Variants in DZIP1 observed in about 807,000 individuals in gnomAD.
The protein encoded by DZIP1 is DAZ interacting zinc finger protein 1.
A neutral mutation model predicts 107.6 loss-of-function variants in DZIP1; 97 were observed. The ratio of observed to expected loss-of-function variants is 0.90; its 90% confidence interval spans 0.77 to 1.07. DZIP1 has a LOEUF of 1.07. DZIP1 is among the 50% of genes least tolerant of loss of function. The pLI is 0.00. For missense variants in DZIP1, 1,035 were observed against 1,063.6 expected, an observed-to-expected ratio of 0.97 and a Z score of 0.37; for synonymous variants, 390 against 386.4, an observed-to-expected ratio of 1.01 and a Z score of -0.11.
rs145101854 is a variant in DZIP1, at chr13:95,636,603, G to C, written c.598-3282C>G. ...GAAAGCAAGGAATAAAAGAGACACT[G>C]TTGAAAACTGAATTGCTCACTAAAG... On this transcript the variant is annotated intron_variant, in intron 5 of 22. Transcript: ENST00000376829. 3.1e-3 allele frequency among the ~76,000 whole-genome samples: 462 copies of C among 151,318 alleles called. 2 individuals are homozygous for C. Among genetic ancestry groups the C allele is most frequent in the Middle Eastern group, 0.01 (3 of 292 alleles).
intron 7 of DZIP1, among the ~76,000 whole-genome samples, chr13:95,628,348 A>AT (rs201877397): frequency 3.3e-5 from 5 of 151,860 alleles, no homozygotes; most frequent in East Asian, 1.9e-4. Flanking sequence ...TGGTGTACAT[A>AT]TTTTTTTTTA....
At chr13:95,622,861 G>A (rs913773131) in intron 8 of DZIP1, among the ~76,000 whole-genome samples, 1 of 151,416 alleles carries the variant, frequency 6.6e-6, no homozygotes, top group African/African-American at 2.4e-5. Flanking sequence ...TTCCACCTCA[G>A]CCTCCTAGGT....
In DZIP1 at chr13:95,633,280, T is replaced by A. The variant is rs774265039; in HGVS notation, c.639A>T (p.Leu213=). Residue 213 remains leucine (L), a synonymous_variant, in exon 6 of 23, where the codon CTA becomes CTT. Transcript: ENST00000376829. ...TGTGGCGGCGTTGAATGTGACTTTGTAGAAAAGCTTGGTTCATAAAGGCCT... is the reference window on the plus strand; with the variant it reads ...TGTGGCGGCGTTGAATGTGACTTTGAAGAAAAGCTTGGTTCATAAAGGCCT... ...CDKAFMNQAF[L]QSHIQRRHTE... is the part of the protein sequence containing the mutation. The A allele has an allele frequency of 1.2e-6, 2 of 1,614,176 alleles. No individual in the cohort carries two copies. The highest frequency in any genetic ancestry group is 4.5e-5 in the East Asian group (2 of 44,882).
At chr13:95,617,415 A>G (rs1428363475) in intron 10 of DZIP1, among the ~76,000 whole-genome samples, 1 of 152,088 alleles carries the variant, frequency 6.6e-6, no homozygotes, top group Non-Finnish European at 1.5e-5. Context: ...CTCTCAATGC[A>G]GCCTGTGAGT....
chr13:95,622,582 C>T, intron 8 of DZIP1, 102 bp from the exon 9 acceptor site: 2 of 1,344,650 alleles, frequency 1.5e-6, no homozygotes, highest in South Asian at 1.2e-5. Flanking sequence ...AATCTGACTG[C>T]CCTCTTGGAC....
Position 95,624,679 on chromosome 13 carries a change from T to C in DZIP1, c.972+89A>G, listed in dbSNP as rs1876322480. ...ATGTCTGCACGAGGGTAACATAAAG[T>C]AACTGCTGGATCCCCTGGCCTTAAT... is the stretch of plus-strand genomic sequence containing the variant. On this transcript the variant is annotated intron_variant, in intron 8 of 22. Coordinates refer to ENST00000376829, the MANE Select transcript of DZIP1 (RefSeq NM_198968.4). 17 of 1,172,268 alleles carry C rather than the reference T, an allele frequency of 1.5e-5. No individual in the cohort carries two copies. In the South Asian group the frequency reaches 2.2e-4, roughly 15 times the overall value. 72.6% of individuals were successfully genotyped at this position (1,172,268 alleles called of 1,614,324 possible). A position where few individuals can be genotyped will look rare whatever the true frequency, so the allele number is the denominator to read the frequency against.
At chr13:95,591,861 T>C (rs1050036900) in intron 16 of DZIP1, among the ~76,000 whole-genome samples, 13 of 152,180 alleles carry the variant, frequency 8.5e-5, no homozygotes, top group African/African-American at 2.2e-4. Context: ...CTAAAGTTCA[T>C]TGGAAAACAA....
Position 95,641,917 on chromosome 13 carries a change from G to A in DZIP1, c.37-62C>T. The A allele has an allele frequency of 6.8e-7, 1 of 1,467,812 alleles. No individual in the cohort carries two copies. Among genetic ancestry groups the A allele is most frequent in the Non-Finnish European group, 9.0e-7 (1 of 1,116,848 alleles). 90.9% of individuals were successfully genotyped at this position (1,467,812 alleles called of 1,614,324 possible). ...GGATGGGGGGCGGGCAGGCTGGGGA[G>A]CTGGGGGTCCGGGGAAGCCCCGGTT... On this transcript the variant is annotated intron_variant, in intron 4 of 22. Transcript: ENST00000376829. The surrounding 1 kb of genome is among the most constrained non-coding windows in gnomAD (Gnocchi z 4.3).
chr13:95,625,732 G>A (rs1876457412), intron 7 of DZIP1, among the ~76,000 whole-genome samples: 1 of 152,174 alleles, frequency 6.6e-6, no homozygotes. Flanking sequence ...AAGATACTGT[G>A]AGGTTAATGA....
Position 95,641,476 on chromosome 13 carries a change from G to C in DZIP1, c.416C>G (p.Thr139Ser), listed in dbSNP as rs755478806. 6.2e-7 allele frequency: 1 copy of C among 1,614,138 alleles called. No homozygotes were observed. Reference protein sequence around the residue: ...EYLLHSQEFLTSQLHTLEERL... With the variant: ...EYLLHSQEFLSSQLHTLEERL... ...CTCCTCCAGGGTGTGCAGCTGCGAG[G>C]TGAGGAACTCTTGTGAGTGCAGCAA... Residue 139 changes from threonine to serine, a missense_variant, in exon 5 of 23, where the codon ACC becomes AGC. Coordinates refer to ENST00000376829, the MANE Select transcript of DZIP1 (RefSeq NM_198968.4). The surrounding 1 kb of genome is among the most constrained non-coding windows in gnomAD (Gnocchi z 4.3).
chr13:95,642,086 A>G lies in DZIP1; in HGVS notation c.-57T>C. ...GGCCGCCTCCCGGGCCGCCGCCGCC[A>G]CAGCCCTCAGGAGCGGGAGAAGGCC... is the stretch of plus-strand genomic sequence containing the variant. On this transcript the variant is annotated 5_prime_UTR_variant, in exon 4 of 23. Transcript: ENST00000376829. 2 of 1,481,284 alleles carry G rather than the reference A, an allele frequency of 1.4e-6. No individual in the cohort carries two copies. Among genetic ancestry groups the G allele is most frequent in the South Asian group, 1.4e-5 (1 of 72,214 alleles). 91.8% of individuals were successfully genotyped at this position (1,481,284 alleles called of 1,614,324 possible).
chr13:95,633,024 G>T (rs1033140295), intron 6 of DZIP1, among the ~76,000 whole-genome samples: 1 of 152,174 alleles, frequency 6.6e-6, no homozygotes, highest in Admixed American at 6.5e-5. Flanking sequence ...ACTCGAGAGA[G>T]AGTGGGGCTT....
intron 15 of DZIP1, among the ~76,000 whole-genome samples, chr13:95,594,351 T>C (rs1486091279): frequency 6.6e-6 from 1 of 152,170 alleles, no homozygotes; most frequent in Non-Finnish European, 1.5e-5. Context: ...TATATATGTA[T>C]CTATAGAAGC....
intron 6 of DZIP1, 152 bp from the exon 7 acceptor site, chr13:95,630,265 C>T (rs1877038029): frequency 2.1e-6 from 2 of 959,194 alleles, no homozygotes; most frequent in Non-Finnish European, 3.0e-6. Context: ...AATTTTTGCT[C>T]TTTAGTTTAT....
chr13:95,602,488 G>T (rs758881338), intron 14 of DZIP1, among the ~76,000 whole-genome samples: 2 of 152,124 alleles, frequency 1.3e-5, no homozygotes, highest in African/African-American at 4.8e-5. Context: ...GACAGGCTTC[G>T]TTTCTGATTC....
intron 22 of DZIP1, among the ~76,000 whole-genome samples, chr13:95,583,813 G>A (rs931945576): frequency 6.6e-6 from 1 of 151,998 alleles, no homozygotes; most frequent in Non-Finnish European, 1.5e-5. Context: ...GAGAATACGT[G>A]TATAGACATT....
intron 22 of DZIP1, 108 bp downstream of exon 22, chr13:95,584,627 CT>C: frequency 6.8e-7 from 1 of 1,472,528 alleles, no homozygotes; most frequent in Non-Finnish European, 9.0e-7. Flanking sequence ...GCACTGACAG[CT>C]TTTTTGTCTG....
chr13:95,610,111 T>TGTGTGTGTGTGAGAGAGAGA (rs368276400), intron 12 of DZIP1, among the ~76,000 whole-genome samples: 51 of 126,756 alleles, frequency 4.0e-4, no homozygotes, highest in African/African-American at 9.6e-4. Context: ...TGTGTGTGTG[T>TGTGTGTGTGTGAGAGAGAGA]GAGAGAGAGA....
chr13:95,615,339 C>T lies in DZIP1; in HGVS notation c.1174-3162G>A, dbSNP rs116592337. Among the ~76,000 whole-genome samples the T allele has an allele frequency of 9.4e-3, 1,432 of 152,292 alleles. 27 individuals carry two copies. Among genetic ancestry groups the T allele is most frequent in the African/African-American group, 0.033 (1,354 of 41,552 alleles). ...CCAGGATTTTAAAAATGCCTTCCCA[C>T]CCCCGATTAATAAAGAAACCTGAAT... On this transcript the variant is annotated intron_variant, in intron 10 of 22. Transcript: ENST00000376829.
Sources: gnomAD v4.1 joint callset for allele counts (sites outside exome capture counted in the v4.1 genomes callset) on GRCh38, gnomAD v4.1.1 for gene constraint, Gnocchi (gnomAD v3.1) non-coding constraint, MANE v1.5 for transcripts, NCBI Gene and HGNC (gene_info 2026-07-23, HGNC 2026-07-21) for gene names.